COL5A2: variants seen among roughly 807,000 people sequenced by gnomAD.
COL5A2 encodes collagen type V alpha 2 chain.
COL5A2 carries 23 observed loss-of-function variants against 208.2 expected under a neutral mutation model. The ratio of observed to expected loss-of-function variants is 0.11; its 90% confidence interval spans 0.08 to 0.16. COL5A2 has a LOEUF of 0.16. COL5A2 is among the 10% of genes least tolerant of loss of function. The pLI is 1.00. For missense variants in COL5A2, 1,590 were observed against 1,956.4 expected (o/e 0.81, Z 3.53); for synonymous variants, 625 against 628.5 (o/e 0.99, Z 0.08).
the COL5A2 span, among the ~76,000 whole-genome samples, chr2:189,400,916 G>A: frequency 1.1e-3 from 168 of 152,324 alleles, 3 homozygotes; most frequent in Admixed American, 0.01. Context: ...CTAACTCTCA[G>A]AGGATGAAGT....
chr2:189,299,275 A>G, the COL5A2 span, among the ~76,000 whole-genome samples: 4 of 152,194 alleles, frequency 2.6e-5, no homozygotes, highest in Non-Finnish European at 4.4e-5. Context: ...TGACTTTAAA[A>G]AAAACAGAAG....
At chr2:189,077,917 A>G (rs1463335806) in intron 16 of COL5A2, among the ~76,000 whole-genome samples, 1 of 152,240 alleles carries the variant, frequency 6.6e-6, no homozygotes, top group Non-Finnish European at 1.5e-5. Flanking sequence ...AGTCTGAAAT[A>G]TTAGTCAGCA....
chr2:189,387,985 A>G, the COL5A2 span, among the ~76,000 whole-genome samples: 1 of 152,050 alleles, frequency 6.6e-6, no homozygotes, highest in Non-Finnish European at 1.5e-5. Flanking sequence ...GGGTCTCACT[A>G]TGTTGCCCAG....
rs374268039 is a variant in COL5A2 at position 189,060,796 on chromosome 2, T to G, written c.2032-13A>C. On this transcript the variant is annotated splice_polypyrimidine_tract_variant and intron_variant, in intron 30 of 53. Coordinates refer to ENST00000374866, the MANE Select transcript of COL5A2 (RefSeq NM_000393.5). The stretch of plus-strand genomic sequence containing the variant: ...GACCAGGAAGCCCCTAAAACAAAAG[T>G]AAGAAAATAAAATTGTGAATCTGTG... 1.2e-6 allele frequency: 2 copies of G among 1,610,236 alleles called. No homozygotes were observed. Among genetic ancestry groups the G allele is most frequent in the Non-Finnish European group, 1.7e-6 (2 of 1,176,710 alleles).
At chr2:189,336,335 C>T in the COL5A2 span, among the ~76,000 whole-genome samples, 1 of 152,158 alleles carries the variant, frequency 6.6e-6, no homozygotes, top group East Asian at 1.9e-4. Context: ...GGCAATTTAA[C>T]ATAGGGTTCT....
the COL5A2 span, among the ~76,000 whole-genome samples, chr2:189,319,062 T>C: frequency 3.0e-4 from 45 of 152,054 alleles, no homozygotes; most frequent in Non-Finnish European, 5.9e-4. Flanking sequence ...TTTAGACATA[T>C]TTGAGAAAAA....
chr2:189,239,624 TG>T, the COL5A2 span, among the ~76,000 whole-genome samples: 2 of 56,796 alleles, frequency 3.5e-5, no homozygotes, highest in African/African-American at 7.2e-5. Context: ...TGTTGTGGGG[TG>T]GGGGGAGGGG....
intron 1 of COL5A2, among the ~76,000 whole-genome samples, chr2:189,199,065 T>C (rs897601643): frequency 5.9e-5 from 9 of 152,190 alleles, no homozygotes; most frequent in African/African-American, 2.2e-4. Flanking sequence ...TACTATTATT[T>C]ATCCTTTCAT....
rs561742451 is a variant in COL5A2, at chr2:189,219,783, C to T, written c.-42+5365G>A. On this transcript the variant is annotated intron_variant, in intron 1 of 10. Coordinates refer to the COL5A2 transcript ENST00000649966. ...AAGCTGTGTACTAGGTTTGAACTAC[C>T]GTGTAAGCCTGACATAACCCCTGGC... Among the ~76,000 whole-genome samples, 8 of 152,134 alleles carry T rather than the reference C, an allele frequency of 5.3e-5. No individual in the cohort carries two copies. The East Asian group carries it at 9.7e-4, about 18-fold the overall frequency.
At chr2:189,139,116 A>G (rs575039420) in intron 1 of COL5A2, among the ~76,000 whole-genome samples, 5 of 152,054 alleles carry the variant, frequency 3.3e-5, no homozygotes, top group African/African-American at 7.2e-5. Context: ...CAGGTGATCA[A>G]ATTTAACACC....
chr2:189,254,628 C>A, the COL5A2 span, among the ~76,000 whole-genome samples: 1 of 152,200 alleles, frequency 6.6e-6, no homozygotes, highest in Non-Finnish European at 1.5e-5. Context: ...GGGCCCCTGG[C>A]AGCACAACCG....
chr2:189,380,932 C>G, the COL5A2 span, among the ~76,000 whole-genome samples: 1 of 151,804 alleles, frequency 6.6e-6, no homozygotes, highest in Non-Finnish European at 1.5e-5. Flanking sequence ...ATTCAGCCAT[C>G]AAATATGTGA....
the COL5A2 span, among the ~76,000 whole-genome samples, chr2:189,417,762 T>G: frequency 6.6e-6 from 1 of 152,114 alleles, no homozygotes; most frequent in Non-Finnish European, 1.5e-5. Flanking sequence ...TTGCTGCAAG[T>G]GACAGGATTT....
chr2:189,301,720 T>A, the COL5A2 span, among the ~76,000 whole-genome samples: 1 of 152,180 alleles, frequency 6.6e-6, no homozygotes, highest in East Asian at 1.9e-4. Context: ...ATGCCTTGAA[T>A]GCAGAAGAAA....
intron 1 of COL5A2, among the ~76,000 whole-genome samples, chr2:189,193,117 T>A (rs1688951467): frequency 6.6e-6 from 1 of 152,204 alleles, no homozygotes; most frequent in Non-Finnish European, 1.5e-5. Context: ...TCAAGAACCA[T>A]GCCAATAAAT....
At chr2:189,275,090 T>C in the COL5A2 span, among the ~76,000 whole-genome samples, 3 of 152,298 alleles carry the variant, frequency 2.0e-5, no homozygotes, top group African/African-American at 7.2e-5. Context: ...TTTGGCTATA[T>C]TAAATCAAGC....
At position 189,058,194 on chromosome 2, in the gene COL5A2, A is replaced by T. The variant is rs72902385; in HGVS notation, c.2229+235T>A. Among the ~76,000 whole-genome samples, 20,191 of 152,214 alleles carry T rather than the reference A, an allele frequency of 0.13. 1,371 individuals carry two copies. The highest frequency in any genetic ancestry group is 0.19 in the Middle Eastern group (56 of 294). On this transcript the variant is annotated intron_variant, in intron 33 of 53. Coordinates refer to ENST00000374866, the MANE Select transcript of COL5A2 (RefSeq NM_000393.5). ...GAAATGTGTTTGTATATGGAAGTCT[A>T]TCACCATGTGCACTAAACTACAATC...
intron 1 of COL5A2, among the ~76,000 whole-genome samples, chr2:189,173,921 A>C (rs1172891657): frequency 6.6e-6 from 1 of 152,174 alleles, no homozygotes; most frequent in African/African-American, 2.4e-5. Flanking sequence ...CTATATCTCT[A>C]ATGTATAAAT....
intron 1 of COL5A2, among the ~76,000 whole-genome samples, chr2:189,163,287 C>T (rs1361166115): frequency 6.6e-6 from 1 of 152,160 alleles, no homozygotes; most frequent in Non-Finnish European, 1.5e-5. Flanking sequence ...AATCCGCCAG[C>T]ATCAGGGCAA....
Sources: allele counts gnomAD v4.1 joint callset (sites outside exome capture counted in the v4.1 genomes callset), GRCh38; gene constraint gnomAD v4.1.1; transcripts MANE v1.5; gene names NCBI Gene and HGNC (gene_info 2026-07-23, HGNC 2026-07-21).